The following ITPR2 variants were observed in gnomAD, a reference collection of about 807,000 sequenced individuals.
The protein encoded by ITPR2 is inositol 1,4,5-trisphosphate-gated calcium channel ITPR2.
ITPR2 carries 207 observed loss-of-function variants against 317.1 expected under a neutral mutation model. The observed-to-expected ratio is 0.65, with a 90% confidence interval of 0.58 to 0.73. The LOEUF (loss-of-function observed/expected upper bound fraction) is 0.73, where lower values mean the gene tolerates loss of function less well. Among genes scored for constraint, ITPR2 ranks in the 30% least tolerant of loss-of-function variants. The pLI, the probability that ITPR2 is intolerant of heterozygous loss-of-function variation, is 0.00. For missense variants in ITPR2, 2,613 were observed against 3,284.0 expected, an observed-to-expected ratio of 0.80 and a Z score of 4.99; for synonymous variants, 1,156 against 1,149.1, an observed-to-expected ratio of 1.01 and a Z score of -0.12.
chr12:26,486,894 T>G, intron 40 of ITPR2, 174 bp downstream of exon 40: 1 of 712,038 alleles, frequency 1.4e-6, no homozygotes, highest in Non-Finnish European at 2.6e-6. Context: ...TTAAGTTTAG[T>G]CCTGCAGAGC....
At chr12:26,677,538 T>C (rs139189617) in intron 13 of ITPR2, among the ~76,000 whole-genome samples, 7 of 151,892 alleles carry the variant, frequency 4.6e-5, no homozygotes, top group African/African-American at 1.7e-4. Flanking sequence ...AGGTTGAAGC[T>C]GCAGTGAGCC....
chr12:26,611,052 A>C (rs890472478), intron 26 of ITPR2, among the ~76,000 whole-genome samples: 2 of 152,234 alleles, frequency 1.3e-5, no homozygotes, highest in African/African-American at 4.8e-5. Context: ...CTGGAGCGTA[A>C]CCGTCTCAAT....
At chr12:26,488,368 C>T (rs77066207) in intron 39 of ITPR2, among the ~76,000 whole-genome samples, 5,852 of 152,128 alleles carry the variant, frequency 0.038, 128 homozygotes, top group Middle Eastern at 0.11. Context: ...GGGGAGTTTG[C>T]CCCAGGATAT....
chr12:26,436,337 G>C lies in ITPR2; in HGVS notation c.6653C>G (p.Ala2218Gly). ...KWQKKIRNNP[A>G]LFWFSRHISL... ...GATGTGCCTCGAGAACCAGAACAGT[G>C]CAGGGTTATCTAGGAAGTGAGAAAT... The change falls in exon 48 of 57, where the codon GCA (alanine) becomes GGA (glycine). Residue 2218 changes from alanine (A) to glycine (G), a missense_variant. Ala to Gly is a moderately conservative substitution (Grantham distance 60). Coordinates refer to ENST00000381340, the MANE Select transcript of ITPR2 (RefSeq NM_002223.4). The C allele has an allele frequency of 6.2e-7, 1 of 1,607,604 alleles. No homozygotes were observed. The highest frequency in any genetic ancestry group is 8.5e-7 in the Non-Finnish European group (1 of 1,178,142).
chr12:26,466,913 A>C (rs1432944346), intron 45 of ITPR2, among the ~76,000 whole-genome samples: 2 of 152,224 alleles, frequency 1.3e-5, no homozygotes, highest in Non-Finnish European at 2.9e-5. Flanking sequence ...GCAATAATAA[A>C]GATGAGGTAA....
At chr12:26,378,449 TA>T (rs1939409283) in intron 55 of ITPR2, among the ~76,000 whole-genome samples, 1 of 152,148 alleles carries the variant, frequency 6.6e-6, no homozygotes, top group Non-Finnish European at 1.5e-5. Context: ...ATGAGACTGG[TA>T]ATATAGAATG....
At position 26,415,508 on chromosome 12, in the gene ITPR2, T is replaced by C. The variant is rs777049760; in HGVS notation, c.7111-10A>G. On this transcript the variant is annotated splice_polypyrimidine_tract_variant and intron_variant, in intron 50 of 56. Coordinates refer to ENST00000381340, the MANE Select transcript of ITPR2 (RefSeq NM_002223.4). ...ACACCAAATCAAAAAGCTACAAAGA[T>C]AAAGAAAACACTAATAAGAAAAGAA... The C allele has an allele frequency of 1.3e-6, 2 of 1,508,974 alleles. No individual in the cohort carries two copies. The highest frequency in any genetic ancestry group is 8.9e-7 in the Non-Finnish European group (1 of 1,129,354). 93.5% of individuals were successfully genotyped at this position (1,508,974 alleles called of 1,614,324 possible). A position where few individuals can be genotyped will look rare whatever the true frequency, so the allele number is the denominator to read the frequency against.
At chr12:26,555,536 C>T (rs1231858120) in intron 36 of ITPR2, among the ~76,000 whole-genome samples, 1 of 152,208 alleles carries the variant, frequency 6.6e-6, no homozygotes, top group Admixed American at 6.5e-5. Context: ...CTTTTTCTCA[C>T]AACTGCTTAT....
At chr12:26,375,727 A>G (rs954479223) in intron 55 of ITPR2, among the ~76,000 whole-genome samples, 4 of 152,370 alleles carry the variant, frequency 2.6e-5, no homozygotes, top group African/African-American at 9.6e-5. Flanking sequence ...TCAGCTATCA[A>G]GTATACTCCA....
intron 37 of ITPR2, among the ~76,000 whole-genome samples, chr12:26,505,808 G>A (rs1411134427): frequency 2.6e-5 from 4 of 152,094 alleles, no homozygotes; most frequent in African/African-American, 9.7e-5. Context: ...TTGAATGAGA[G>A]ATCACTCAAT....
chr12:26,443,204 A>G (rs989516779), intron 46 of ITPR2, among the ~76,000 whole-genome samples: 1 of 152,308 alleles, frequency 6.6e-6, no homozygotes, highest in Admixed American at 6.5e-5. Flanking sequence ...CACAATTTTA[A>G]AAAAGAAACC....
At chr12:26,814,649 G>C (rs1387131478) in intron 1 of ITPR2, among the ~76,000 whole-genome samples, 1 of 151,946 alleles carries the variant, frequency 6.6e-6, no homozygotes, top group Non-Finnish European at 1.5e-5. Flanking sequence ...TTTATAAAGT[G>C]GTTTATTCTT....
intron 45 of ITPR2, among the ~76,000 whole-genome samples, chr12:26,468,609 G>A (rs1263450101): frequency 6.7e-6 from 1 of 149,450 alleles, no homozygotes; most frequent in Non-Finnish European, 1.5e-5. Context: ...CACAAGAAAC[G>A]TAAGCTCCAG....
chr12:26,499,651 T>C (rs1006537936), intron 37 of ITPR2, among the ~76,000 whole-genome samples: 19 of 152,174 alleles, frequency 1.2e-4, no homozygotes, highest in Admixed American at 2.0e-4. Flanking sequence ...ATTATCCAGA[T>C]CATGGGAACA....
chr12:26,696,812 C>A (rs368772512), intron 9 of ITPR2, among the ~76,000 whole-genome samples: 3 of 152,132 alleles, frequency 2.0e-5, no homozygotes, highest in East Asian at 3.8e-4. Context: ...AATTTACCGA[C>A]CAAAAACCTA....
intron 45 of ITPR2, among the ~76,000 whole-genome samples, chr12:26,471,077 A>C (rs925464682): frequency 1.1e-4 from 16 of 152,328 alleles, no homozygotes; most frequent in African/African-American, 3.8e-4. Context: ...AATCAGAGTG[A>C]CCCATTCTCT....
rs758595084 is a variant in ITPR2 at position 26,487,187 on chromosome 12, T to C, written c.5435A>G (p.Asp1812Gly). 37 of 1,613,022 alleles carry C rather than the reference T, an allele frequency of 2.3e-5. No homozygotes were observed. In the South Asian group the frequency reaches 4.0e-4, roughly 17 times the overall value. ...TTCTTTCTGAGCAGCCTTCATTCGA[T>C]CATAGAGAACTTTAAAGAATTTTTC... The part of the protein sequence containing the change: ...KSEKFFKVLY[D>G]RMKAAQKEIR... Residue 1812 changes from aspartate to glycine, a missense_variant, in exon 40 of 57, where the codon GAT (aspartate) becomes GGT (glycine). Asp to Gly is a moderately conservative substitution (Grantham distance 94). Coordinates refer to ENST00000381340, the MANE Select transcript of ITPR2 (RefSeq NM_002223.4).
intron 49 of ITPR2, among the ~76,000 whole-genome samples, chr12:26,425,681 A>AC (rs1369377843): frequency 2.0e-5 from 3 of 151,802 alleles, no homozygotes; most frequent in African/African-American, 7.3e-5. Flanking sequence ...GAAAAAAAAA[A>AC]AAAACGCTCT....
intron 15 of ITPR2, among the ~76,000 whole-genome samples, chr12:26,662,839 T>C (rs1947532796): frequency 1.3e-5 from 2 of 151,990 alleles, no homozygotes; most frequent in Admixed American, 1.3e-4. Context: ...CACCCAGGTA[T>C]TTTTCGTTTT....
Sources: allele counts gnomAD v4.1 joint callset (sites outside exome capture counted in the v4.1 genomes callset), GRCh38; gene constraint gnomAD v4.1.1; transcripts MANE v1.5; gene names NCBI Gene and HGNC (gene_info 2026-07-23, HGNC 2026-07-21).